Variants in TMEM266 observed in about 807,000 individuals in gnomAD.
The protein encoded by TMEM266 is transmembrane protein 266.
A neutral mutation model predicts 50.5 loss-of-function variants in TMEM266; 33 were observed. The observed-to-expected ratio is 0.65, with a 90% CI of 0.50 to 0.87. The LOEUF (loss-of-function observed/expected upper bound fraction) is 0.87, where lower values mean the gene tolerates loss of function less well. Ranked by LOEUF, TMEM266 falls within the 40% of genes least tolerant of loss-of-function variation. The probability of loss-of-function intolerance (pLI) is 0.00; values close to 1 mark genes in which losing one functional copy is unlikely to be tolerated. For missense variants in TMEM266, 655 were observed against 695.1 expected, an observed-to-expected ratio of 0.94 and a Z score of 0.65; for synonymous variants, 310 against 292.3, an observed-to-expected ratio of 1.06 and a Z score of -0.62.
In TMEM266 at chr15:76,204,416, A is replaced by T; in HGVS notation, c.*101A>T. On this transcript the variant is annotated 3_prime_UTR_variant, in exon 11 of 11. Coordinates refer to ENST00000388942, the MANE Select transcript of TMEM266 (RefSeq NM_152335.3). ...GGCCACACGCGGGGCCCAGGAGCCC[A>T]CCTGGCCTCCCTCAGGGTGCTGCCT... The T allele has an allele frequency of 8.4e-7, 1 of 1,191,160 alleles. No individual in the cohort carries two copies. Among genetic ancestry groups the T allele is most frequent in the Non-Finnish European group, 1.2e-6 (1 of 854,938 alleles). 73.8% of individuals were successfully genotyped at this position (1,191,160 alleles called of 1,614,324 possible). A position where few individuals can be genotyped will look rare whatever the true frequency, so the allele number is the denominator to read the frequency against.
intron 1 of TMEM266, among the ~76,000 whole-genome samples, chr15:76,087,753 C>T (rs1181684696): frequency 1.3e-5 from 2 of 152,140 alleles, no homozygotes; most frequent in East Asian, 1.9e-4. Context: ...TAAAATGTCA[C>T]ATCATAGAAG....
At chr15:76,195,843 G>A (rs1035531775) in intron 9 of TMEM266, among the ~76,000 whole-genome samples, 5 of 152,228 alleles carry the variant, frequency 3.3e-5, no homozygotes, top group Admixed American at 2.6e-4. Flanking sequence ...ACACAGGGGA[G>A]CCAAGATCTG....
At chr15:76,064,206 A>C (rs1256429589) in intron 1 of TMEM266, among the ~76,000 whole-genome samples, 1 of 152,244 alleles carries the variant, frequency 6.6e-6, no homozygotes, top group Non-Finnish European at 1.5e-5. Flanking sequence ...TTACACAGAC[A>C]GGTGAATCCT....
Position 76,168,150 on chromosome 15 carries a change from A to C in TMEM266, c.457-1666A>C, listed in dbSNP as rs1212096057. 2.0e-5 allele frequency among the ~76,000 whole-genome samples: 3 copies of C among 151,786 alleles called. No homozygotes were observed. The highest frequency in any genetic ancestry group is 4.4e-5 in the Non-Finnish European group (3 of 67,972). Reference sequence around the variant, plus strand: ...GATCTCAAGACATTGTGGCCACCCCACCCAGATCTCTCCCCACCCCTGCAA... The same window carrying C: ...GATCTCAAGACATTGTGGCCACCCCCCCCAGATCTCTCCCCACCCCTGCAA... On this transcript the variant is annotated intron_variant, in intron 5 of 10. Coordinates refer to ENST00000388942, the MANE Select transcript of TMEM266 (RefSeq NM_152335.3). The surrounding 1 kb of genome is among the most constrained non-coding windows in gnomAD (Gnocchi z 4.4).
chr15:76,126,374 CATATATATATATATAT>C (rs61446223), intron 1 of TMEM266, among the ~76,000 whole-genome samples: 1 of 137,810 alleles, frequency 7.3e-6, no homozygotes, highest in African/African-American at 2.7e-5. Context: ...CACCCACAGA[CATATATATATATATAT>C]ATATATATAT....
At chr15:76,115,249 C>A (rs940956814) in intron 1 of TMEM266, among the ~76,000 whole-genome samples, 1 of 152,198 alleles carries the variant, frequency 6.6e-6, no homozygotes, top group Non-Finnish European at 1.5e-5. Flanking sequence ...ACCTTTCAGA[C>A]GATTGGGAAT....
intron 1 of TMEM266, among the ~76,000 whole-genome samples, chr15:76,091,902 G>T (rs2036853923): frequency 6.6e-6 from 1 of 151,642 alleles, no homozygotes; most frequent in Admixed American, 6.6e-5. Flanking sequence ...GAGGCAGGAG[G>T]ATAGCTTGAA....
chr15:76,151,676 C>G (rs369387018), intron 3 of TMEM266, among the ~76,000 whole-genome samples: 1 of 152,178 alleles, frequency 6.6e-6, no homozygotes, highest in East Asian at 1.9e-4. Flanking sequence ...TCCCAAACTC[C>G]CTTTGCCATA....
intron 1 of TMEM266, among the ~76,000 whole-genome samples, chr15:76,100,345 A>G (rs1030748391): frequency 5.3e-5 from 8 of 152,186 alleles, no homozygotes; most frequent in Non-Finnish European, 1.5e-5. Context: ...TAAAAATCCT[A>G]TCCCTCCTTC....
intron 1 of TMEM266, among the ~76,000 whole-genome samples, chr15:76,091,709 C>G (rs1482611901): frequency 6.6e-6 from 1 of 151,934 alleles, no homozygotes. Context: ...CCTATGGAGG[C>G]TGGGCGCAGT....
At chr15:76,173,378 G>A (rs751886417) in intron 7 of TMEM266, among the ~76,000 whole-genome samples, 8 of 152,092 alleles carry the variant, frequency 5.3e-5, no homozygotes, top group Non-Finnish European at 7.4e-5. Flanking sequence ...CGAGGGGTGC[G>A]GGAACAGTGT....
chr15:76,183,241 G>A (rs113862940), intron 8 of TMEM266, among the ~76,000 whole-genome samples: 16,231 of 148,684 alleles, frequency 0.11, 1,088 homozygotes, highest in Middle Eastern at 0.17. Flanking sequence ...TCAACCTCCC[G>A]AGTAGCTGGG....
chr15:76,186,502 C>T (rs1450336829), intron 8 of TMEM266, among the ~76,000 whole-genome samples: 1 of 152,180 alleles, frequency 6.6e-6, no homozygotes, highest in African/African-American at 2.4e-5. Context: ...TCCAGTCACC[C>T]CACACCCTCT....
At chr15:76,174,415 G>A (rs537402659) in intron 7 of TMEM266, among the ~76,000 whole-genome samples, 11 of 152,242 alleles carry the variant, frequency 7.2e-5, no homozygotes, top group African/African-American at 2.4e-4. Context: ...GCCAGGCGTG[G>A]TGGCGGGTGC....
chr15:76,183,969 C>T (rs546143501), intron 8 of TMEM266, among the ~76,000 whole-genome samples: 5 of 152,204 alleles, frequency 3.3e-5, no homozygotes, highest in East Asian at 1.9e-4. Flanking sequence ...CCAGGCCTCT[C>T]GCTGGACCCC....
rs2038019876 is a variant in TMEM266 at position 76,161,652 on chromosome 15, A to G, written c.456+1484A>G. On this transcript the variant is annotated intron_variant, in intron 5 of 10. Coordinates refer to ENST00000388942, the MANE Select transcript of TMEM266 (RefSeq NM_152335.3). The surrounding 1 kb of genome is among the most constrained non-coding windows in gnomAD (Gnocchi z 4.1). Reference sequence around the variant, plus strand: ...GCTGGTGAGCCTGGGCCTGAGGCTCAGATGGAGGGGGCAGATCGCAGCACT... The same window carrying G: ...GCTGGTGAGCCTGGGCCTGAGGCTCGGATGGAGGGGGCAGATCGCAGCACT... 6.6e-6 allele frequency among the ~76,000 whole-genome samples: 1 copy of G among 152,198 alleles called. No homozygotes were observed. The highest frequency in any genetic ancestry group is 1.5e-5 in the Non-Finnish European group (1 of 68,022).
intron 1 of TMEM266, among the ~76,000 whole-genome samples, chr15:76,112,376 A>G (rs1299682825): frequency 6.6e-6 from 1 of 152,232 alleles, no homozygotes; most frequent in Non-Finnish European, 1.5e-5. Context: ...GGGAAACTGT[A>G]GAGTCTGGGG....
At chr15:76,082,152 CAT>C (rs1024138955) in intron 1 of TMEM266, among the ~76,000 whole-genome samples, 8 of 152,208 alleles carry the variant, frequency 5.3e-5, no homozygotes, top group African/African-American at 1.9e-4. Flanking sequence ...GCTCAAAATA[CAT>C]ATAGTCTCTT....
intron 3 of TMEM266, among the ~76,000 whole-genome samples, chr15:76,140,599 G>T (rs2037661815): frequency 6.6e-6 from 1 of 152,140 alleles, no homozygotes; most frequent in Admixed American, 6.5e-5. Context: ...GTGCTCTTGA[G>T]CTCCGTGATA....
Sources: gnomAD v4.1 joint callset for allele counts (sites outside exome capture counted in the v4.1 genomes callset) on GRCh38, gnomAD v4.1.1 for gene constraint, Gnocchi (gnomAD v3.1) non-coding constraint, MANE v1.5 for transcripts, NCBI Gene and HGNC (gene_info 2026-07-23, HGNC 2026-07-21) for gene names.